The following LRP2 variants were observed in gnomAD, a reference collection of about 807,000 sequenced individuals.
The protein encoded by LRP2 is LDL receptor related protein 2, also known as low-density lipoprotein receptor-related protein 2.
A neutral mutation model predicts 531.0 loss-of-function variants in LRP2; 172 were observed. The ratio of observed to expected loss-of-function variants is 0.32; its 90% confidence interval spans 0.29 to 0.37. The LOEUF is 0.37. Among genes scored for constraint, LRP2 ranks in the 10% least tolerant of loss-of-function variants. The pLI, the probability that LRP2 is intolerant of heterozygous loss-of-function variation, is 1.00. For missense variants in LRP2, 5,167 were observed against 5,868.3 expected (o/e 0.88, Z 3.90); for synonymous variants, 1,992 against 2,027.6 (o/e 0.98, Z 0.47).
At chr2:169,172,219 G>A in intron 57 of LRP2, 85 bp from the exon 58 acceptor site, 1 of 1,513,572 alleles carries the variant, frequency 6.6e-7, no homozygotes, top group East Asian at 2.3e-5. Context: ...GAGACAGTCT[G>A]AGAATTGTAT....
intron 1 of LRP2, among the ~76,000 whole-genome samples, chr2:169,331,887 C>G (rs548574457): frequency 6.6e-6 from 1 of 152,150 alleles, no homozygotes; most frequent in South Asian, 2.1e-4. Context: ...TGGAATCAAA[C>G]ACTAAAAAAG....
chr2:169,168,816 G>A, intron 60 of LRP2, 140 bp from the exon 61 acceptor site: 1 of 926,318 alleles, frequency 1.1e-6, no homozygotes, highest in Non-Finnish European at 1.7e-6. Context: ...GCCTTGACCT[G>A]TCTGAAAGTT....
chr2:169,332,298 A>C (rs1464288445), intron 1 of LRP2, among the ~76,000 whole-genome samples: 3 of 152,232 alleles, frequency 2.0e-5, no homozygotes, highest in African/African-American at 7.2e-5. Context: ...ACCTTGCTGT[A>C]TTCCTTCTCC....
At chr2:169,153,049 T>C in intron 66 of LRP2, 85 bp from the exon 67 acceptor site, 2 of 1,212,278 alleles carry the variant, frequency 1.6e-6, no homozygotes, top group East Asian at 2.3e-5. Context: ...GAAGTACTGT[T>C]CGTTTATTGA....
In LRP2 at chr2:169,294,145, T is replaced by A; in HGVS notation, c.652+3A>T. 1.3e-6 allele frequency: 2 copies of A among 1,594,558 alleles called. No homozygotes were observed. Among genetic ancestry groups the A allele is most frequent in the Non-Finnish European group, 1.7e-6 (2 of 1,162,440 alleles). On this transcript the variant is annotated splice_donor_region_variant and intron_variant, in intron 6 of 78. Coordinates refer to ENST00000649046, the MANE Select transcript of LRP2 (RefSeq NM_004525.3). Reference sequence around the variant, plus strand: ...ATGACCCAGCATAAAGAAATCACCGTACTGCAAGCATGTTCGTCACTGCCG... The same window carrying A: ...ATGACCCAGCATAAAGAAATCACCGAACTGCAAGCATGTTCGTCACTGCCG...
chr2:169,205,376 A>T, intron 41 of LRP2, 103 bp downstream of exon 41: 2 of 1,257,054 alleles, frequency 1.6e-6, no homozygotes, highest in Non-Finnish European at 2.3e-6. Context: ...GGCAATGTCT[A>T]TCTGGCATGC....
Position 169,172,549 on chromosome 2 carries a change from G to A in LRP2, c.11144-415C>T, listed in dbSNP as rs147335778. 8.9e-3 allele frequency among the ~76,000 whole-genome samples: 1,360 copies of A among 152,216 alleles called. 14 individuals are homozygous for A. Among genetic ancestry groups the A allele is most frequent in the South Asian group, 0.017 (83 of 4,816 alleles). On this transcript the variant is annotated intron_variant, in intron 57 of 78. Coordinates refer to ENST00000649046, the MANE Select transcript of LRP2 (RefSeq NM_004525.3). ...CCAACACACATACTCCAGATGCTTTGGTTTCAAGTTAGACTATGACTAATC... is the reference window on the plus strand; with the variant it reads ...CCAACACACATACTCCAGATGCTTTAGTTTCAAGTTAGACTATGACTAATC...
At chr2:169,326,327 T>C (rs1205927901) in intron 1 of LRP2, among the ~76,000 whole-genome samples, 3 of 151,744 alleles carry the variant, frequency 2.0e-5, no homozygotes, top group African/African-American at 7.3e-5. Context: ...CTGATTCTCC[T>C]GCCTCAGCCT....
intron 1 of LRP2, among the ~76,000 whole-genome samples, chr2:169,350,822 T>C (rs1471676410): frequency 6.6e-6 from 1 of 151,656 alleles, no homozygotes; most frequent in Non-Finnish European, 1.5e-5. Context: ...TGGGGCCCTC[T>C]TTGGTTGTGC....
chr2:169,310,809 C>T (rs558008564), intron 3 of LRP2, among the ~76,000 whole-genome samples: 10 of 152,122 alleles, frequency 6.6e-5, no homozygotes, highest in East Asian at 1.9e-4. Flanking sequence ...TGGTAGAATT[C>T]GGCTGTGAAT....
chr2:169,248,210 G>A lies in LRP2; in HGVS notation c.2771-695C>T, dbSNP rs1365870742. ...TTCTAAACAACAAAAATTTAATCATGTTCACTTTACACTAACTATTGCAGC... is the reference window on the plus strand; with the variant it reads ...TTCTAAACAACAAAAATTTAATCATATTCACTTTACACTAACTATTGCAGC... On this transcript the variant is annotated intron_variant, in intron 19 of 78. Transcript: ENST00000649046. Among the ~76,000 whole-genome samples the A allele has an allele frequency of 3.3e-5, 5 of 152,220 alleles. No individual in the cohort carries two copies. The South Asian group carries it at 6.2e-4, about 19-fold the overall frequency.
At chr2:169,194,618 T>C (rs1052187979) in intron 46 of LRP2, among the ~76,000 whole-genome samples, 1 of 151,928 alleles carries the variant, frequency 6.6e-6, no homozygotes, top group African/African-American at 2.4e-5. Context: ...CAAGAGAAAG[T>C]ATAGTTGCAA....
intron 5 of LRP2, 110 bp from the exon 6 acceptor site, chr2:169,294,371 A>G: frequency 1.2e-6 from 1 of 800,416 alleles, no homozygotes. Context: ...CTTATTAAGC[A>G]GTGGTGTGCT....
In LRP2 at chr2:169,279,381, G is replaced by T; in HGVS notation, c.1556C>A (p.Pro519Gln). 6.2e-7 allele frequency: 1 copy of T among 1,612,714 alleles called. No homozygotes were observed. The highest frequency in any genetic ancestry group is 8.5e-7 in the Non-Finnish European group (1 of 1,178,758). ...LGHPRGIAVD[P>Q]TVGYLFFSDW... is the part of the protein sequence containing the mutation. ...TTTTCACATCACTTACCCAACAGTT[G>T]GGTCCACGGCAATTCCTCTAGGATG... The change falls in exon 12 of 79, where the codon CCA (proline) becomes CAA (glutamine). Residue 519 changes from proline (P) to glutamine (Q), a missense_variant. By Grantham distance (76) the Pro-to-Gln change is moderately conservative (BLOSUM62 -1). Transcript: ENST00000649046.
chr2:169,362,274 A>T (rs1307200376), intron 1 of LRP2, 47 bp downstream of exon 1: 2 of 1,492,188 alleles, frequency 1.3e-6, no homozygotes, highest in South Asian at 1.2e-5. Flanking sequence ...ACCCTGCCAC[A>T]GCCGGGGAAG....
intron 4 of LRP2, among the ~76,000 whole-genome samples, chr2:169,303,929 C>T (rs975866708): frequency 6.6e-6 from 1 of 152,000 alleles, no homozygotes; most frequent in Non-Finnish European, 1.5e-5. Flanking sequence ...TAAAAAAAAA[C>T]TTGATTAAAA....
chr2:169,200,436 T>A (rs1456892855), intron 44 of LRP2, among the ~76,000 whole-genome samples: 2 of 152,024 alleles, frequency 1.3e-5, no homozygotes. Context: ...ACAGGAAATA[T>A]AAGACAAGCT....
At chr2:169,130,848 G>T (rs867983099) in intron 77 of LRP2, among the ~76,000 whole-genome samples, 1 of 152,200 alleles carries the variant, frequency 6.6e-6, no homozygotes, top group Non-Finnish European at 1.5e-5. Flanking sequence ...AAAGGGAAGA[G>T]AAAGAAAGGA....
chr2:169,208,579 C>T (rs2105335966), intron 38 of LRP2, among the ~76,000 whole-genome samples: 1 of 152,216 alleles, frequency 6.6e-6, no homozygotes, highest in South Asian at 2.1e-4. Flanking sequence ...GCCTCAGGCT[C>T]CTGAGTAGCT....
Sources: allele counts gnomAD v4.1 joint callset (sites outside exome capture counted in the v4.1 genomes callset), GRCh38; gene constraint gnomAD v4.1.1; transcripts MANE v1.5; gene names NCBI Gene and HGNC (gene_info 2026-07-23, HGNC 2026-07-21).